SH3GL2: variants seen among roughly 807,000 people sequenced by gnomAD.
SH3GL2 encodes endophilin-A1.
A neutral mutation model predicts 46.0 loss-of-function variants in SH3GL2; 24 were observed. The observed-to-expected ratio is 0.52, with a 90% CI of 0.38 to 0.73. SH3GL2 has a LOEUF of 0.73. Among genes scored for constraint, SH3GL2 ranks in the 30% least tolerant of loss-of-function variants. The pLI is 0.00. For missense variants in SH3GL2, 413 were observed against 424.2 expected, an observed-to-expected ratio of 0.97 and a Z score of 0.23; for synonymous variants, 196 against 147.1, an observed-to-expected ratio of 1.33 and a Z score of -2.40.
intron 3 of SH3GL2, among the ~76,000 whole-genome samples, chr9:17,784,951 G>A (rs941508895): frequency 6.6e-6 from 1 of 152,136 alleles, no homozygotes; most frequent in Non-Finnish European, 1.5e-5. Flanking sequence ...GGCCTCAAAT[G>A]ATCCTCCTGC....
Position 17,684,644 on chromosome 9 carries a change from C to T in SH3GL2, c.46-62422C>T, listed in dbSNP as rs574023489. Among the ~76,000 whole-genome samples the T allele has an allele frequency of 1.6e-4, 25 of 151,932 alleles. No individual in the cohort carries two copies. The South Asian group carries it at 4.3e-3, about 26-fold the overall frequency. On this transcript the variant is annotated intron_variant, in intron 1 of 8. Coordinates refer to ENST00000380607, the MANE Select transcript of SH3GL2 (RefSeq NM_003026.5). ...CTCACTAAGCAGAATGAATACCCTG[C>T]AACACACATACAGTCAGACATATTG...
At chr9:17,655,188 G>A (rs945741653) in intron 1 of SH3GL2, among the ~76,000 whole-genome samples, 13 of 152,178 alleles carry the variant, frequency 8.5e-5, no homozygotes, top group Non-Finnish European at 1.5e-4. Context: ...TCCAACAGGT[G>A]AGAAGACTGT....
At chr9:17,744,369 A>G (rs1039425073) in intron 1 of SH3GL2, among the ~76,000 whole-genome samples, 2 of 144,522 alleles carry the variant, frequency 1.4e-5, no homozygotes, top group African/African-American at 5.1e-5. Context: ...GGCACTTGAA[A>G]TTTTTTTTTT....
At chr9:17,682,242 C>G (rs1351486799) in intron 1 of SH3GL2, among the ~76,000 whole-genome samples, 1 of 151,960 alleles carries the variant, frequency 6.6e-6, no homozygotes, top group Non-Finnish European at 1.5e-5. Flanking sequence ...ATCATTCTAC[C>G]CTAAAGACAC....
At chr9:17,718,908 T>G (rs1449289026) in intron 1 of SH3GL2, among the ~76,000 whole-genome samples, 1 of 152,116 alleles carries the variant, frequency 6.6e-6, no homozygotes, top group Non-Finnish European at 1.5e-5. Flanking sequence ...TCGATTTTCC[T>G]TCTTCTTCTG....
chr9:17,772,573 A>T (rs1275445074), intron 3 of SH3GL2, among the ~76,000 whole-genome samples: 2 of 152,194 alleles, frequency 1.3e-5, no homozygotes, highest in Admixed American at 1.3e-4. Flanking sequence ...TAATCACTTC[A>T]TGTAAGTGGA....
intron 1 of SH3GL2, among the ~76,000 whole-genome samples, chr9:17,638,262 C>G (rs906224005): frequency 6.6e-6 from 1 of 152,000 alleles, no homozygotes; most frequent in Non-Finnish European, 1.5e-5. Flanking sequence ...ATTTTCAAGT[C>G]AGTATCAAAA....
intron 1 of SH3GL2, among the ~76,000 whole-genome samples, chr9:17,726,008 T>A (rs1822012410): frequency 6.6e-6 from 1 of 152,132 alleles, no homozygotes; most frequent in Non-Finnish European, 1.5e-5. Flanking sequence ...ATTGCTCCAG[T>A]GCCACAGATT....
At chr9:17,639,599 T>C (rs1819625117) in intron 1 of SH3GL2, among the ~76,000 whole-genome samples, 1 of 152,254 alleles carries the variant, frequency 6.6e-6, no homozygotes, top group Admixed American at 6.5e-5. Context: ...GAAAACATTA[T>C]GGTTGTATAA....
intron 1 of SH3GL2, among the ~76,000 whole-genome samples, chr9:17,638,736 G>C (rs1432734794): frequency 6.6e-6 from 1 of 152,206 alleles, no homozygotes. Context: ...TCAACAGGTA[G>C]GTGGGCCTCC....
At chr9:17,632,057 T>C (rs1819438409) in intron 1 of SH3GL2, among the ~76,000 whole-genome samples, 1 of 152,196 alleles carries the variant, frequency 6.6e-6, no homozygotes, top group South Asian at 2.1e-4. Context: ...AAGGGCTTTC[T>C]TAACCACATA....
At chr9:17,662,203 A>G (rs1415037422) in intron 1 of SH3GL2, among the ~76,000 whole-genome samples, 2 of 152,104 alleles carry the variant, frequency 1.3e-5, no homozygotes, top group Admixed American at 6.5e-5. Flanking sequence ...CTAATTTTCT[A>G]TTTAATAGTT....
At chr9:17,753,087 T>C (rs1019539368) in intron 2 of SH3GL2, among the ~76,000 whole-genome samples, 4 of 152,192 alleles carry the variant, frequency 2.6e-5, no homozygotes, top group Non-Finnish European at 5.9e-5. Flanking sequence ...ACGTAGCACA[T>C]TTTCTTTATC....
intron 1 of SH3GL2, among the ~76,000 whole-genome samples, chr9:17,619,798 G>A (rs965775424): frequency 1.9e-4 from 29 of 152,156 alleles, no homozygotes; most frequent in African/African-American, 6.8e-4. Flanking sequence ...ACACATTTAT[G>A]TATAAATACT....
At chr9:17,623,337 A>G (rs1457464540) in intron 1 of SH3GL2, among the ~76,000 whole-genome samples, 4 of 152,034 alleles carry the variant, frequency 2.6e-5, no homozygotes, top group Non-Finnish European at 5.9e-5. Flanking sequence ...CAGAAAGTAG[A>G]GTTGTGGGAT....
intron 1 of SH3GL2, among the ~76,000 whole-genome samples, chr9:17,640,618 A>G (rs964443333): frequency 6.6e-5 from 10 of 152,282 alleles, no homozygotes; most frequent in South Asian, 2.1e-4. Context: ...GAGACCACCT[A>G]TGTCAGATGT....
chr9:17,688,334 G>A (rs1171831676), intron 1 of SH3GL2, among the ~76,000 whole-genome samples: 1 of 151,840 alleles, frequency 6.6e-6, no homozygotes, highest in African/African-American at 2.4e-5. Flanking sequence ...TTTGATCAAC[G>A]GTGAAAAAAA....
intron 1 of SH3GL2, among the ~76,000 whole-genome samples, chr9:17,709,790 C>T (rs1324306568): frequency 1.3e-5 from 2 of 151,670 alleles, no homozygotes; most frequent in Non-Finnish European, 2.9e-5. Flanking sequence ...TTTGGACAGC[C>T]AAACTGACAT....
intron 1 of SH3GL2, among the ~76,000 whole-genome samples, chr9:17,713,774 A>G: frequency 6.6e-6 from 1 of 151,668 alleles, no homozygotes; most frequent in East Asian, 1.9e-4. Context: ...TTTTAAATGT[A>G]TTGAGAATTA....
Sources: allele counts gnomAD v4.1 joint callset (sites outside exome capture counted in the v4.1 genomes callset), GRCh38; gene constraint gnomAD v4.1.1; transcripts MANE v1.5; gene names NCBI Gene and HGNC (gene_info 2026-07-23, HGNC 2026-07-21).